The following ACYP2 variants were observed in gnomAD, a reference collection of about 807,000 sequenced individuals.
ACYP2 encodes the protein acylphosphatase-2.
Under a neutral mutation model 11.2 loss-of-function variants are expected in ACYP2, and 12 were observed. The observed-to-expected ratio is 1.08, with a 90% CI of 0.69 to 1.74. ACYP2 has a LOEUF of 1.74. ACYP2 is among the 40% of genes most tolerant of loss of function. ACYP2 has a pLI of 0.00. For synonymous variants in ACYP2, 43 were observed against 32.2 expected (o/e 1.33, Z -1.13); for missense variants, 134 against 101.9 (o/e 1.31, Z -1.35).
At chr2:54,126,059 C>T (rs1470153318) in intron 4 of ACYP2, among the ~76,000 whole-genome samples, 2 of 151,574 alleles carry the variant, frequency 1.3e-5, no homozygotes, top group South Asian at 2.1e-4. Flanking sequence ...CCAGCCTGGG[C>T]GACAGAGAGA....
chr2:54,287,937 C>T (rs1412025828), intron 6 of ACYP2, among the ~76,000 whole-genome samples: 2 of 151,952 alleles, frequency 1.3e-5, no homozygotes, highest in Non-Finnish European at 2.9e-5. Context: ...CTCATCAGCA[C>T]GTTGACTCTC....
intron 6 of ACYP2, among the ~76,000 whole-genome samples, chr2:54,201,614 TTCTTTCTTTGTTTCTTTCTTTC>T (rs1314590958): frequency 9.0e-4 from 78 of 86,270 alleles, no homozygotes; most frequent in African/African-American, 3.2e-3. Context: ...CTTTCTTTCT[TTCTTTCTTTGTTTCTTTCTTTC>T]TCTTTCTTTC....
chr2:53,994,329 C>CAAAAAAAAAAAAAAAAA (rs374302355), intron 2 of ACYP2, among the ~76,000 whole-genome samples: 2 of 42,890 alleles, frequency 4.7e-5, no homozygotes, highest in Non-Finnish European at 4.0e-5. Context: ...GACTCCGTCT[C>CAAAAAAAAAAAAAAAAA]AAAAAAAAAA....
intron 6 of ACYP2, among the ~76,000 whole-genome samples, chr2:54,167,786 C>T (rs1029540963): frequency 3.9e-5 from 6 of 152,030 alleles, no homozygotes; most frequent in Non-Finnish European, 7.4e-5. Context: ...AACAATAATT[C>T]AGAGGGAAGA....
At chr2:54,292,685 C>T (rs1017024226) in intron 6 of ACYP2, among the ~76,000 whole-genome samples, 71 of 138,742 alleles carry the variant, frequency 5.1e-4, no homozygotes, top group African/African-American at 2.3e-3. Flanking sequence ...CACACACACA[C>T]ACACACACAC....
chr2:54,152,445 A>G (rs1240153716), intron 6 of ACYP2, among the ~76,000 whole-genome samples: 1 of 152,068 alleles, frequency 6.6e-6, no homozygotes, highest in Non-Finnish European at 1.5e-5. Context: ...GTGATGTTGT[A>G]CATTCTACTG....
chr2:54,106,070 C>T (rs748492790), intron 4 of ACYP2, among the ~76,000 whole-genome samples: 1 of 152,016 alleles, frequency 6.6e-6, no homozygotes, highest in African/African-American at 2.4e-5. Context: ...ATAAAAGTGT[C>T]ATAATAATCA....
intron 4 of ACYP2, among the ~76,000 whole-genome samples, chr2:54,062,135 A>G (rs117175581): frequency 6.6e-6 from 1 of 152,228 alleles, no homozygotes; most frequent in Non-Finnish European, 1.5e-5. Flanking sequence ...CTAGCCAGAA[A>G]AAATAAGCAC....
At chr2:54,011,291 C>T (rs1673358585) in intron 2 of ACYP2, among the ~76,000 whole-genome samples, 1 of 152,102 alleles carries the variant, frequency 6.6e-6, no homozygotes, top group African/African-American at 2.4e-5. Flanking sequence ...TTTGATGTTG[C>T]TGACACATCC....
intron 6 of ACYP2, chr2:54,255,626 C>T: frequency 1.9e-6 from 3 of 1,613,638 alleles, no homozygotes; most frequent in Non-Finnish European, 2.5e-6. Context: ...GCTCTGTTTT[C>T]TTCCGCCACG....
chr2:54,209,183 T>A (rs1558614782), intron 6 of ACYP2, among the ~76,000 whole-genome samples: 3 of 152,122 alleles, frequency 2.0e-5, no homozygotes, highest in African/African-American at 7.2e-5. Context: ...CTATTGGATT[T>A]AAAAAAATAT....
intron 6 of ACYP2, among the ~76,000 whole-genome samples, chr2:54,178,171 G>C (rs1335424182): frequency 6.6e-6 from 1 of 151,826 alleles, no homozygotes; most frequent in South Asian, 2.1e-4. Flanking sequence ...GATTTTTATT[G>C]GCCATGTATA....
At chr2:53,975,304 T>C (rs147994761) in intron 2 of ACYP2, 48 of 398,302 alleles carry the variant, frequency 1.2e-4, no homozygotes, top group African/African-American at 8.8e-4. Context: ...CTGGAAAAGT[T>C]GAAGAATTTA....
At chr2:54,080,400 C>G (rs997863040) in intron 4 of ACYP2, 1 of 152,160 alleles carries the variant, frequency 6.6e-6, no homozygotes, top group East Asian at 1.9e-4. Context: ...CTTCATGAGA[C>G]AATGCTTTTG....
chr2:54,298,231 A>T (rs535741180), intron 6 of ACYP2, among the ~76,000 whole-genome samples: 2 of 152,354 alleles, frequency 1.3e-5, no homozygotes, highest in East Asian at 3.9e-4. Flanking sequence ...TACATTTGGA[A>T]TCTGTAGAAA....
intron 6 of ACYP2, among the ~76,000 whole-genome samples, chr2:54,244,478 AGCACTCCCAAAGTGCTGGGATTACAGT>A (rs1460257474): frequency 4.0e-5 from 6 of 151,426 alleles, no homozygotes; most frequent in African/African-American, 1.5e-4. Context: ...CTGGGATTAC[AGCACTCCCAAAGTGCTGGGATTACAGT>A]GGCATGAGCC....
chr2:54,304,842 G>C lies in ACYP2; in HGVS notation c.*40G>C, dbSNP rs755093940. 1.1e-5 allele frequency: 13 copies of C among 1,147,476 alleles called. No homozygotes were observed. The highest frequency in any genetic ancestry group is 1.9e-5 in the Admixed American group (1 of 54,000). 71.1% of individuals were successfully genotyped at this position (1,147,476 alleles called of 1,614,324 possible). A position where few individuals can be genotyped will look rare whatever the true frequency, so the allele number is the denominator to read the frequency against. On this transcript the variant is annotated 3_prime_UTR_variant, in exon 7 of 7. Coordinates refer to ENST00000607452, the MANE Select transcript of ACYP2 (RefSeq NM_001320586.2). ...TGTAACACACTGAACAATAGATACT[G>C]TATGTTCTTAAGACTATGTATACTA...
chr2:54,062,697 C>T (rs1676532591), intron 4 of ACYP2, among the ~76,000 whole-genome samples: 1 of 152,190 alleles, frequency 6.6e-6, no homozygotes, highest in Non-Finnish European at 1.5e-5. Flanking sequence ...TAGCTTTCTA[C>T]ATGTATACCA....
At chr2:54,075,293 G>A (rs1335867646) in intron 4 of ACYP2, among the ~76,000 whole-genome samples, 3 of 152,146 alleles carry the variant, frequency 2.0e-5, no homozygotes, top group Admixed American at 2.0e-4. Flanking sequence ...CAGCTCAGGA[G>A]TTCGAGACCA....
Sources: gnomAD v4.1 joint callset for allele counts (sites outside exome capture counted in the v4.1 genomes callset) on GRCh38, gnomAD v4.1.1 for gene constraint, MANE v1.5 for transcripts, NCBI Gene and HGNC (gene_info 2026-07-23, HGNC 2026-07-21) for gene names.